Variants in RABGAP1L observed in about 807,000 individuals in gnomAD.
The protein encoded by RABGAP1L is rab GTPase-activating protein 1-like.
A neutral mutation model predicts 137.7 loss-of-function variants in RABGAP1L; 63 were observed. That is an observed-to-expected ratio of 0.46 (90% CI 0.37 to 0.56). The LOEUF is 0.56. Among genes scored for constraint, RABGAP1L ranks in the 20% least tolerant of loss-of-function variants. The probability of loss-of-function intolerance (pLI) is 0.00; values close to 1 mark genes in which losing one functional copy is unlikely to be tolerated. For missense variants in RABGAP1L, 1,095 were observed against 1,244.0 expected (o/e 0.88, Z 1.80); for synonymous variants, 431 against 433.7 (o/e 0.99, Z 0.08).
intron 15 of RABGAP1L, among the ~76,000 whole-genome samples, chr1:174,683,891 T>G (rs905668769): frequency 2.0e-5 from 3 of 152,190 alleles, no homozygotes; most frequent in African/African-American, 7.2e-5. Context: ...TATCAGGACC[T>G]GGACCATTAA....
chr1:174,371,184 A>G, intron 12 of RABGAP1L, 112 bp downstream of exon 12: 1 of 422,790 alleles, frequency 2.4e-6, no homozygotes. Context: ...ATTAAAATCT[A>G]TCTTAATATC....
intron 13 of RABGAP1L, among the ~76,000 whole-genome samples, chr1:174,626,909 A>G (rs1672977883): frequency 6.6e-6 from 1 of 152,230 alleles, no homozygotes; most frequent in Admixed American, 6.5e-5. Flanking sequence ...CCAACATAGA[A>G]CTAAAGGAGG....
chr1:174,670,805 CTG>C (rs1677122990), intron 14 of RABGAP1L, among the ~76,000 whole-genome samples: 1 of 152,166 alleles, frequency 6.6e-6, no homozygotes, highest in South Asian at 2.1e-4. Flanking sequence ...TTGATGGACT[CTG>C]TGTTGCTTCC....
At chr1:174,822,147 G>A (rs1691094744) in intron 19 of RABGAP1L, among the ~76,000 whole-genome samples, 1 of 152,196 alleles carries the variant, frequency 6.6e-6, no homozygotes, top group Admixed American at 6.5e-5. Flanking sequence ...TGTAGTCCCA[G>A]CTACTCGAGA....
intron 12 of RABGAP1L, among the ~76,000 whole-genome samples, chr1:174,378,010 T>C (rs1160396960): frequency 7.4e-6 from 1 of 135,646 alleles, no homozygotes; most frequent in Non-Finnish European, 1.5e-5. Context: ...TGTTCAATTC[T>C]CACCTATGAG....
At chr1:174,894,175 A>C (rs1196325703) in intron 19 of RABGAP1L, among the ~76,000 whole-genome samples, 2 of 152,222 alleles carry the variant, frequency 1.3e-5, no homozygotes, top group African/African-American at 2.4e-5. Context: ...AATTCCTCTA[A>C]ATAGTTAACA....
chr1:174,573,178 A>G (rs967740424), intron 13 of RABGAP1L, among the ~76,000 whole-genome samples: 4 of 151,814 alleles, frequency 2.6e-5, no homozygotes, highest in Non-Finnish European at 1.5e-5. Flanking sequence ...TTTAGTGTGT[A>G]TATACACTAT....
intron 18 of RABGAP1L, among the ~76,000 whole-genome samples, chr1:174,769,742 A>T (rs1474474050): frequency 2.6e-5 from 4 of 151,540 alleles, no homozygotes; most frequent in Non-Finnish European, 5.9e-5. Flanking sequence ...AGTCCCAGCG[A>T]CTCCAGAGGC....
At chr1:174,946,980 G>GTGTGTATATA (rs770439099) in intron 19 of RABGAP1L, among the ~76,000 whole-genome samples, 1 of 78,250 alleles carries the variant, frequency 1.3e-5, no homozygotes, top group African/African-American at 5.4e-5. Context: ...GTGTGTGTGT[G>GTGTGTATATA]TATATATATG....
chr1:174,584,608 G>T (rs1298979349), intron 13 of RABGAP1L, among the ~76,000 whole-genome samples: 2 of 152,094 alleles, frequency 1.3e-5, no homozygotes, highest in Non-Finnish European at 2.9e-5. Context: ...GAGCTTCTGT[G>T]TCAAAAAATA....
At chr1:174,474,498 A>G (rs1010871019) in intron 13 of RABGAP1L, among the ~76,000 whole-genome samples, 2 of 152,244 alleles carry the variant, frequency 1.3e-5, no homozygotes, top group African/African-American at 4.8e-5. Context: ...GTAAAGAAGC[A>G]GTGTATAACT....
chr1:174,350,199 C>G (rs1426681522), intron 11 of RABGAP1L, among the ~76,000 whole-genome samples: 1 of 125,784 alleles, frequency 8.0e-6, no homozygotes, highest in Non-Finnish European at 1.7e-5. Context: ...ACCCCCCCCC[C>G]ACCTCCCTCC....
Position 174,371,024 on chromosome 1 carries a change from A to T in RABGAP1L, c.1511A>T (p.Asp504Val), listed in dbSNP as rs756830719. 1 of 1,509,732 alleles carries T rather than the reference A, an allele frequency of 6.6e-7. No homozygotes were observed. Among genetic ancestry groups the T allele is most frequent in the Non-Finnish European group, 9.0e-7 (1 of 1,112,262 alleles). The allele number at this position is 1,509,732 out of a possible 1,614,324, so 93.5% of individuals were successfully genotyped here. A position where few individuals can be genotyped will look rare whatever the true frequency, so the allele number is the denominator to read the frequency against. Reference sequence around the variant, plus strand: ...AGTGGAACAGGTGATGTGTCTAAGGATTGTCCTGAGAAGATCCTGTATTCT... The same window carrying T: ...AGTGGAACAGGTGATGTGTCTAAGGTTTGTCCTGAGAAGATCCTGTATTCT... The part of the protein sequence containing the change: ...LSSGTGDVSK[D>V]CPEKILYSWG... Residue 504 changes from aspartate (D) to valine (V), a missense_variant, in exon 12 of 26, where the codon GAT becomes GTT. Coordinates refer to ENST00000681986, the MANE Select transcript of RABGAP1L (RefSeq NM_001366446.1).
intron 13 of RABGAP1L, among the ~76,000 whole-genome samples, chr1:174,636,940 A>G (rs1402662668): frequency 6.6e-6 from 1 of 152,172 alleles, no homozygotes; most frequent in Non-Finnish European, 1.5e-5. Flanking sequence ...TTAATAGGAG[A>G]ATGTTCAGTA....
intron 19 of RABGAP1L, among the ~76,000 whole-genome samples, chr1:174,899,977 G>A (rs950799975): frequency 6.6e-6 from 1 of 152,150 alleles, no homozygotes; most frequent in Non-Finnish European, 1.5e-5. Flanking sequence ...GGACTATAGT[G>A]CAGAAGTTGG....
intron 13 of RABGAP1L, among the ~76,000 whole-genome samples, chr1:174,444,389 C>G (rs1048695036): frequency 6.6e-6 from 1 of 151,690 alleles, no homozygotes; most frequent in African/African-American, 2.4e-5. Flanking sequence ...GGATATTGGC[C>G]TCCTATAATT....
At chr1:174,392,187 G>C (rs1647239263) in intron 12 of RABGAP1L, among the ~76,000 whole-genome samples, 1 of 152,122 alleles carries the variant, frequency 6.6e-6, no homozygotes, top group African/African-American at 2.4e-5. Context: ...TGTGTTTTAT[G>C]ATTATAAAAG....
At chr1:174,351,961 C>T (rs1683236908) in intron 11 of RABGAP1L, among the ~76,000 whole-genome samples, 1 of 152,114 alleles carries the variant, frequency 6.6e-6, no homozygotes, top group Non-Finnish European at 1.5e-5. Flanking sequence ...GCCACCACAC[C>T]TGGCTAATTT....
rs186767323 is a variant in RABGAP1L, at chr1:174,842,825, A to G, written c.2340+30865A>G. On this transcript the variant is annotated intron_variant, in intron 19 of 25. Transcript: ENST00000681986. ...AACTAGCATTAACATCCAAAACTAT[A>G]TATAATCACTAAATTTCATTTACCA... 1.2e-3 allele frequency among the ~76,000 whole-genome samples: 186 copies of G among 152,274 alleles called. 2 individuals carry two copies. Among genetic ancestry groups the G allele is most frequent in the African/African-American group, 4.3e-3 (180 of 41,552 alleles).
Sources: gnomAD v4.1 joint callset for allele counts (sites outside exome capture counted in the v4.1 genomes callset) on GRCh38, gnomAD v4.1.1 for gene constraint, MANE v1.5 for transcripts, NCBI Gene and HGNC (gene_info 2026-07-23, HGNC 2026-07-21) for gene names.